TMPRSS9: variants seen among roughly 807,000 people sequenced by gnomAD.
TMPRSS9 encodes transmembrane serine protease 9.
TMPRSS9 carries 113 observed loss-of-function variants against 111.4 expected under a neutral mutation model. That is an observed-to-expected ratio of 1.01 (90% CI 0.87 to 1.19). TMPRSS9 has a LOEUF of 1.19. TMPRSS9 is among the 50% of genes most tolerant of loss of function. The probability of loss-of-function intolerance (pLI) is 0.00; values close to 1 mark genes in which losing one functional copy is unlikely to be tolerated. For missense variants in TMPRSS9, 1,803 were observed against 1,513.1 expected, an observed-to-expected ratio of 1.19 and a Z score of -3.18; for synonymous variants, 805 against 659.1, an observed-to-expected ratio of 1.22 and a Z score of -3.39.
intron 1 of TMPRSS9, among the ~76,000 whole-genome samples, chr19:2,379,627 T>TCTTTCTA (rs1970367740): frequency 7.1e-6 from 1 of 140,188 alleles, no homozygotes; most frequent in African/African-American, 2.8e-5. Flanking sequence ...CTTTCTTTCT[T>TCTTTCTA]TCTTTCTTTC....
chr19:2,388,172 G>A (rs915716858), upstream of TMPRSS9, among the ~76,000 whole-genome samples: 14 of 152,256 alleles, frequency 9.2e-5, no homozygotes, highest in East Asian at 1.4e-3. Flanking sequence ...TGGGAGGATC[G>A]CGTGAGGTCA....
chr19:2,407,615 T>C (rs1390149713), intron 7 of TMPRSS9, among the ~76,000 whole-genome samples: 3 of 140,772 alleles, frequency 2.1e-5, no homozygotes, highest in African/African-American at 7.7e-5. Context: ...TTTCTTTTTT[T>C]TTTTTTTTTT....
At chr19:2,405,685 G>T in intron 7 of TMPRSS9, 140 bp downstream of exon 8, 3 of 836,114 alleles carry the variant, frequency 3.6e-6, no homozygotes, top group South Asian at 2.9e-5. Flanking sequence ...TGCTTTTGCT[G>T]TTGTTGAATC....
intron 13 of TMPRSS9, 22 bp downstream of exon 14, chr19:2,418,160 G>C (rs967009773): frequency 3.2e-6 from 5 of 1,585,012 alleles, no homozygotes; most frequent in Non-Finnish European, 4.3e-6. Flanking sequence ...AAGGGGGAAA[G>C]CGGGCAATAT....
intron 1 of TMPRSS9, among the ~76,000 whole-genome samples, chr19:2,374,375 C>T (rs915333127): frequency 7.2e-6 from 1 of 139,816 alleles, no homozygotes; most frequent in Non-Finnish European, 1.5e-5. Flanking sequence ...GAGTTCGAGA[C>T]CACCCTGACC....
Position 2,425,442 on chromosome 19 carries a change from C to T in TMPRSS9, c.3069C>T (p.Ser1023=), listed in dbSNP as rs752406375. 11 of 1,591,660 alleles carry T rather than the reference C, an allele frequency of 6.9e-6. No individual in the cohort carries two copies. In the South Asian group the frequency reaches 1.1e-4, roughly 16 times the overall value. The change falls in exon 17 of 18, where the codon AGC becomes AGT. Residue 1023 remains serine (S), a synonymous_variant. Transcript: ENST00000648592. Reference sequence around the variant, plus strand: ...GCCGCTTCTACCCAGTGCAGATCAGCAGCCGCATGCTGTGTGCCGGCTTCC... The same window carrying T: ...GCCGCTTCTACCCAGTGCAGATCAGTAGCCGCATGCTGTGTGCCGGCTTCC...
At chr19:2,362,630 A>T (rs1005743670) in intron 1 of TMPRSS9, among the ~76,000 whole-genome samples, 1 of 152,044 alleles carries the variant, frequency 6.6e-6, no homozygotes, top group African/African-American at 2.4e-5. Context: ...TCGTGTCTGT[A>T]TGACTGTGTA....
At chr19:2,361,487 TG>T (rs1970198617) in intron 1 of TMPRSS9, among the ~76,000 whole-genome samples, 2 of 151,848 alleles carry the variant, frequency 1.3e-5, no homozygotes, top group African/African-American at 4.8e-5. Flanking sequence ...CACACTGGGA[TG>T]TAACAATTGG....
At chr19:2,361,455 C>G (rs919466399) in intron 1 of TMPRSS9, among the ~76,000 whole-genome samples, 2 of 151,770 alleles carry the variant, frequency 1.3e-5, no homozygotes, top group African/African-American at 4.8e-5. Flanking sequence ...TTCTCACCCT[C>G]GGAGCCGCTT....
chr19:2,377,289 G>A (rs76201950), intron 1 of TMPRSS9, among the ~76,000 whole-genome samples: 8 of 110,156 alleles, frequency 7.3e-5, no homozygotes, highest in East Asian at 4.7e-4. Flanking sequence ...ATGTATGTAT[G>A]TATATATGTA....
intron 10 of TMPRSS9, among the ~76,000 whole-genome samples, chr19:2,415,116 TG>T (rs1971196918): frequency 1.3e-5 from 2 of 151,710 alleles, no homozygotes; most frequent in Non-Finnish European, 2.9e-5. Flanking sequence ...GGCTAATTTT[TG>T]TATTTTTAGT....
Position 2,402,124 on chromosome 19 carries a change from G to C in TMPRSS9, c.556+108G>C, listed in dbSNP as rs556942705. On this transcript the variant is annotated intron_variant, in intron 5 of 17. Transcript: ENST00000648592. ...TCCCTGGAACGAGGCTGGGCGCGGTGGCTCACATCTGTCGTCCCAGCACTT... is the reference window on the plus strand; with the variant it reads ...TCCCTGGAACGAGGCTGGGCGCGGTCGCTCACATCTGTCGTCCCAGCACTT... The C allele has an allele frequency of 1.0e-5, 11 of 1,080,622 alleles. No individual in the cohort carries two copies. The African/African-American group carries it at 1.8e-4, about 18-fold the overall frequency. The allele number at this position is 1,080,622 out of a possible 1,614,324, so 66.9% of individuals were successfully genotyped here. A position where few individuals can be genotyped will look rare whatever the true frequency, so the allele number is the denominator to read the frequency against.
rs1335326868 is a variant in TMPRSS9 at position 2,408,631 on chromosome 19, G to A, written c.1117+1G>A. The A allele has an allele frequency of 6.2e-6, 10 of 1,607,842 alleles. No homozygotes were observed. The highest frequency in any genetic ancestry group is 7.7e-6 in the Non-Finnish European group (9 of 1,175,860). ...TGGGGCTACCTCAAGGAGGACTTCC[G>A]TAAGCATCTTCCTCGGCCTGCAAGT... On this transcript the variant is annotated splice_donor_variant, in intron 8 of 17. Transcript: ENST00000648592. LOFTEE classifies it high-confidence loss of function.
chr19:2,369,798 A>G (rs990241105), intron 1 of TMPRSS9, among the ~76,000 whole-genome samples: 2 of 151,870 alleles, frequency 1.3e-5, no homozygotes, highest in Non-Finnish European at 1.5e-5. Context: ...TTACTGTCTC[A>G]TGGTTTTGTG....
intron 8 of TMPRSS9, among the ~76,000 whole-genome samples, chr19:2,409,430 C>T (rs1384256901): frequency 6.6e-6 from 1 of 152,052 alleles, no homozygotes; most frequent in African/African-American, 2.4e-5. Flanking sequence ...GTGTGAGCCA[C>T]CTCACCCGGC....
intron 8 of TMPRSS9, 147 bp from the exon 10 acceptor site, chr19:2,410,111 T>C (rs1358524581): frequency 8.6e-7 from 1 of 1,169,292 alleles, no homozygotes; most frequent in Non-Finnish European, 1.2e-6. Flanking sequence ...CTTTTGTAGT[T>C]TCAGAGCCAT....
chr19:2,426,166 G>A lies in TMPRSS9; in HGVS notation c.*78G>A, dbSNP rs1039861261. 5 of 1,213,736 alleles carry A rather than the reference G, an allele frequency of 4.1e-6. No homozygotes were observed. In the South Asian group the frequency reaches 4.8e-5, roughly 12 times the overall value. The allele number at this position is 1,213,736 out of a possible 1,614,324, so 75.2% of individuals were successfully genotyped here. Reference sequence around the variant, plus strand: ...AGGCCACCCAACACCCCACCCCACCGTACCCTACCCAAGGACGGGTGTGGG... The same window carrying A: ...AGGCCACCCAACACCCCACCCCACCATACCCTACCCAAGGACGGGTGTGGG... On this transcript the variant is annotated 3_prime_UTR_variant, in exon 18 of 18. Coordinates refer to ENST00000648592, the Ensembl canonical transcript of TMPRSS9.
intron 11 of TMPRSS9, 59 bp downstream of exon 12, chr19:2,415,900 T>C (rs1330368034): frequency 1.3e-6 from 2 of 1,508,416 alleles, no homozygotes; most frequent in Admixed American, 2.0e-5. Context: ...AGCCCCTCCC[T>C]GTCAGAAACC....
At chr19:2,362,326 A>T (rs369974851) in intron 1 of TMPRSS9, among the ~76,000 whole-genome samples, 2 of 151,830 alleles carry the variant, frequency 1.3e-5, no homozygotes, top group Admixed American at 6.6e-5. Context: ...GTGTGATTGT[A>T]TAGGATTGTG....
Sources: allele counts gnomAD v4.1 joint callset (sites outside exome capture counted in the v4.1 genomes callset), GRCh38; gene constraint gnomAD v4.1.1; transcripts MANE v1.5; gene names NCBI Gene and HGNC (gene_info 2026-07-23, HGNC 2026-07-21).